Variants in SPIN3 observed in about 807,000 individuals in gnomAD.
The protein encoded by SPIN3 is spindlin family member 3.
For missense variants in SPIN3, 176 were observed against 196.4 expected, an observed-to-expected ratio of 0.90 and a Z score of 0.62; for synonymous variants, 74 against 74.3, an observed-to-expected ratio of 1.00 and a Z score of 0.02.
chrX:56,992,440 A>G lies in SPIN3; in HGVS notation c.*1731T>C, dbSNP rs1311166880. 3.4e-6 allele frequency: 1 copy of G among 295,773 alleles called. No homozygotes were observed. The highest frequency in any genetic ancestry group is 5.9e-6 in the Non-Finnish European group (1 of 170,072). The allele number at this position is 295,773 out of a possible 1,213,427, so 24.4% of individuals were successfully genotyped here. A position where few individuals can be genotyped will look rare whatever the true frequency, so the allele number is the denominator to read the frequency against. On this transcript the variant is annotated 3_prime_UTR_variant, in exon 2 of 2. Coordinates refer to ENST00000374919, the MANE Select transcript of SPIN3 (RefSeq NM_001010862.3). ...GACCCACATTGCTGTTGTCAGTCAA[A>G]CATCATAGTAGAGACTTAGTGGCAT...
intron 3 of SPIN3, chrX:56,984,191 C>T (rs1203168562): frequency 1.2e-5 from 2 of 165,312 alleles, no homozygotes; most frequent in Non-Finnish European, 2.3e-5. Context: ...TTTTTTGACA[C>T]TTGTTCCATC....
chrX:56,991,935 A>G lies in SPIN3; in HGVS notation c.*2236T>C, dbSNP rs778147177. The stretch of plus-strand genomic sequence containing the variant: ...CAAAGATAGCATTAAAATACTCCAA[A>G]TAATACAATATCAACAACATAATAA... On this transcript the variant is annotated 3_prime_UTR_variant, in exon 2 of 2. Transcript: ENST00000374919. 67 of 285,680 alleles carry G rather than the reference A, an allele frequency of 2.3e-4. No individual in the cohort carries two copies. The South Asian group carries it at 4.3e-3, about 18-fold the overall frequency. 23.5% of individuals were successfully genotyped at this position (285,680 alleles called of 1,213,427 possible).
rs1924331224 is a variant in SPIN3, at chrX:56,991,295, A to T, written c.*2876T>A. The T allele has an allele frequency of 8.9e-6, 1 of 111,752 alleles. No homozygotes were observed. The highest frequency in any genetic ancestry group is 1.9e-5 in the Non-Finnish European group (1 of 53,125). 9.2% of individuals were successfully genotyped at this position (111,752 alleles called of 1,213,427 possible). A position where few individuals can be genotyped will look rare whatever the true frequency, so the allele number is the denominator to read the frequency against. On this transcript the variant is annotated 3_prime_UTR_variant, in exon 2 of 2. Coordinates refer to ENST00000374919, the MANE Select transcript of SPIN3 (RefSeq NM_001010862.3). ...ACGACTTTGGGATTCCCCCACCCCAAGGAGAGATAGTTGGGTCTAGAAAGC... is the reference window on the plus strand; with the variant it reads ...ACGACTTTGGGATTCCCCCACCCCATGGAGAGATAGTTGGGTCTAGAAAGC...
intron 3 of SPIN3, chrX:56,979,939 A>G: frequency 8.9e-6 from 1 of 112,099 alleles, no homozygotes; most frequent in East Asian, 2.8e-4. Context: ...ACCTATGACC[A>G]TTGTTGTCCA....
rs200562996 is a variant in SPIN3 at position 56,977,381 on chromosome X, A to G, written c.*412-185T>C. ...AAATTATGCTTTATTCACACAATGG[A>G]ATACTATACAAAGAAGTAACTCTGC... On this transcript the variant is annotated intron_variant and NMD_transcript_variant, in intron 5 of 5. Coordinates refer to the SPIN3 transcript ENST00000475785. The G allele has an allele frequency of 3.6e-5, 4 of 112,075 alleles. No individual in the cohort carries two copies. The East Asian group carries it at 8.4e-4, about 24-fold the overall frequency. 9.2% of individuals were successfully genotyped at this position (112,075 alleles called of 1,213,427 possible). A position where few individuals can be genotyped will look rare whatever the true frequency, so the allele number is the denominator to read the frequency against.
downstream of SPIN3, chrX:56,975,336 T>C (rs1923982973): frequency 9.0e-6 from 1 of 111,384 alleles, no homozygotes; most frequent in African/African-American, 3.3e-5. Context: ...TTTCAATTTA[T>C]AGGTAGATTT....
chrX:56,977,200 GAAAGATAAGAA>G (rs1287432329), intron 5 of SPIN3: 1 of 110,826 alleles, frequency 9.0e-6, no homozygotes, highest in Admixed American at 9.6e-5. Context: ...ATTTTACCTG[GAAAGATAAGAA>G]ATAAATATTT....
Position 56,995,339 on chromosome X carries a change from G to A in SPIN3, c.-126C>T, listed in dbSNP as rs1196720731. 2 of 151,627 alleles carry A rather than the reference G, an allele frequency of 1.3e-5. No homozygotes were observed. Among genetic ancestry groups the A allele is most frequent in the South Asian group, 2.4e-4 (1 of 4,088 alleles). The allele number at this position is 151,627 out of a possible 1,213,427, so 12.5% of individuals were successfully genotyped here. A position where few individuals can be genotyped will look rare whatever the true frequency, so the allele number is the denominator to read the frequency against. On this transcript the variant is annotated 5_prime_UTR_variant, in exon 1 of 2. Coordinates refer to ENST00000374919, the MANE Select transcript of SPIN3 (RefSeq NM_001010862.3). ...AGGAAAATCAGCGGGCGAGCAGCCC[G>A]GTGCTTGCAAAAGCTGGGAGAGGAT...
At chrX:56,995,046 A>G in intron 1 of SPIN3, 97 bp from the exon 2 acceptor site, 2 of 956,678 alleles carry the variant, frequency 2.1e-6, no homozygotes, top group South Asian at 5.3e-5. Flanking sequence ...CAGCGCACCC[A>G]GTAAACCCAC....
In SPIN3 at chrX:56,993,027, G is replaced by A. The variant is rs779129799; in HGVS notation, c.*1144C>T. ...TTACCTACCACTGACTGTGTTCCAA[G>A]TCCTGCTGGGATACCATAATAGATG... On this transcript the variant is annotated 3_prime_UTR_variant, in exon 2 of 2. Coordinates refer to ENST00000374919, the MANE Select transcript of SPIN3 (RefSeq NM_001010862.3). 1.3e-4 allele frequency: 14 copies of A among 111,866 alleles called. No homozygotes were observed. The highest frequency in any genetic ancestry group is 3.6e-4 in the African/African-American group (11 of 30,762). 9.2% of individuals were successfully genotyped at this position (111,866 alleles called of 1,213,427 possible). A position where few individuals can be genotyped will look rare whatever the true frequency, so the allele number is the denominator to read the frequency against.
rs910844231 is a variant in SPIN3, at chrX:56,993,958, C to G, written c.*213G>C. On this transcript the variant is annotated 3_prime_UTR_variant, in exon 2 of 2. Transcript: ENST00000374919. ...GTCAGACTTTACCCTTCTCACTAAT[C>G]AGTTAAATTGCGGAGAGGAACCAGT... The G allele has an allele frequency of 7.8e-6, 3 of 382,636 alleles. No homozygotes were observed. Among genetic ancestry groups the G allele is most frequent in the African/African-American group, 7.7e-5 (3 of 38,997 alleles). The allele number at this position is 382,636 out of a possible 1,213,427, so 31.5% of individuals were successfully genotyped here.
Position 56,994,600 on chromosome X carries a change from T to A in SPIN3, c.348A>T (p.Ser116=). The change falls in exon 2 of 2, where the codon TCA becomes TCT. Residue 116 remains serine, a synonymous_variant. Transcript: ENST00000374919. ...SLEVLPNRVA[S]SRISDTHLAE... is the part of the protein sequence containing the mutation. ...CCAAGTGTGTATCACTGATTCTAGA[T>A]GATGCAACTCTATTAGGAAGGACTT... The A allele has an allele frequency of 2.5e-6, 3 of 1,212,047 alleles. No homozygotes were observed. Among genetic ancestry groups the A allele is most frequent in the Non-Finnish European group, 3.3e-6 (3 of 895,598 alleles).
chrX:56,995,441 G>T lies in SPIN3; in HGVS notation c.-228C>A, dbSNP rs766335698. ...ACCGTGGCGGCGTCCCTTGCTCTTG[G>T]CTCCTGCGTCCTCCGCCTTCCTGGT... On this transcript the variant is annotated 5_prime_UTR_variant, in exon 1 of 2. Transcript: ENST00000374919. 7.8e-5 allele frequency: 9 copies of T among 115,348 alleles called. No homozygotes were observed. In the South Asian group the frequency reaches 3.3e-3, roughly 42 times the overall value. 9.5% of individuals were successfully genotyped at this position (115,348 alleles called of 1,213,427 possible).
chrX:56,984,487 CAA>C (rs749793175), intron 2 of SPIN3: 15 of 223,997 alleles, frequency 6.7e-5, no homozygotes, highest in Admixed American at 4.4e-4. Flanking sequence ...AGCTGAAAAG[CAA>C]AAAAAAAAAG....
chrX:56,976,729 G>C (rs1036650741), exon 6 of SPIN3: 16 of 111,769 alleles, frequency 1.4e-4, no homozygotes, highest in African/African-American at 5.2e-4. Flanking sequence ...GGGAAAAGAA[G>C]ACTTTATCAT....
chrX:56,979,313 T>C (rs1396625567), intron 3 of SPIN3: 2 of 110,784 alleles, frequency 1.8e-5, no homozygotes, highest in African/African-American at 3.3e-5. Context: ...TGGCAGTCAG[T>C]AGGAATTTCT....
intron 3 of SPIN3, chrX:56,981,538 T>C (rs909098335): frequency 4.5e-5 from 5 of 111,198 alleles, no homozygotes; most frequent in African/African-American, 1.6e-4. Context: ...TCCAGGTTTA[T>C]GACATTGTTG....
intron 3 of SPIN3, chrX:56,979,330 G>A (rs1924068063): frequency 9.0e-6 from 1 of 110,778 alleles, no homozygotes; most frequent in Admixed American, 9.6e-5. Context: ...TTCTGCCAGA[G>A]TATGGTGAAC....
At chrX:56,976,083 T>C (rs1924001725), downstream of SPIN3, 1 of 111,951 alleles carries the variant, frequency 8.9e-6, no homozygotes, top group South Asian at 3.7e-4. Flanking sequence ...ACAGTTTGTA[T>C]AAATTGGCAG....
Sources: gnomAD v4.1 joint callset for allele counts on GRCh38, gnomAD v4.1.1 for gene constraint, MANE v1.5 for transcripts, NCBI Gene and HGNC (gene_info 2026-07-23, HGNC 2026-07-21) for gene names.